Variants in SHISAL2A observed in about 807,000 individuals in gnomAD.
SHISAL2A encodes shisa like 2A, also known as protein shisa-like-2A.
Under a neutral mutation model 11.5 loss-of-function variants are expected in SHISAL2A, and 18 were observed. That is an observed-to-expected ratio of 1.57 (90% confidence interval 1.08 to 2.33). The LOEUF is 2.33. SHISAL2A is among the 30% of genes most tolerant of loss of function. The pLI is 0.00. For missense variants in SHISAL2A, 261 were observed against 250.9 expected (o/e 1.04, Z -0.27); for synonymous variants, 94 against 99.6 (o/e 0.94, Z 0.34).
intron 5 of SHISAL2A, chr1:52,667,655 A>T (rs1692037903): frequency 6.6e-6 from 1 of 152,230 alleles, no homozygotes; most frequent in Non-Finnish European, 1.5e-5. Flanking sequence ...AGACTTACAA[A>T]GCAAGTCAGA....
chr1:52,669,094 G>A (rs143492100), exon 6 of SHISAL2A: 7 of 149,710 alleles, frequency 4.7e-5, no homozygotes, highest in African/African-American at 1.7e-4. Context: ...GTGGCTCAGT[G>A]TAAAATAAAA....
At chr1:52,649,404 G>T (rs1691575165) in intron 2 of SHISAL2A, among the ~76,000 whole-genome samples, 1 of 152,156 alleles carries the variant, frequency 6.6e-6, no homozygotes, top group Non-Finnish European at 1.5e-5. Context: ...GCCTATGATT[G>T]CACTGTCCCT....
At chr1:52,661,857 C>T (rs780195188), downstream of SHISAL2A, among the ~76,000 whole-genome samples, 28 of 152,036 alleles carry the variant, frequency 1.8e-4, no homozygotes, top group Non-Finnish European at 1.3e-4. Context: ...CATGGTGAAA[C>T]CCCGTCTCTA....
intron 2 of SHISAL2A, among the ~76,000 whole-genome samples, chr1:52,644,507 C>T (rs946293473): frequency 2.1e-5 from 3 of 145,056 alleles, no homozygotes; most frequent in African/African-American, 7.7e-5. Context: ...GGTGGATCAC[C>T]TGAGGTCAGG....
chr1:52,662,630 C>T (rs938069293), intron 4 of SHISAL2A, among the ~76,000 whole-genome samples: 2 of 151,320 alleles, frequency 1.3e-5, no homozygotes, highest in East Asian at 1.9e-4. Flanking sequence ...GGATTACAGG[C>T]GTGAGGTACC....
At chr1:52,667,341 T>C in intron 4 of SHISAL2A, 1 of 930,900 alleles carries the variant, frequency 1.1e-6, no homozygotes, top group Non-Finnish European at 1.3e-6. Flanking sequence ...CTGGGAATGT[T>C]TGCTCCGCCA....
At chr1:52,655,452 C>CAAAAA (rs11346128) in intron 2 of SHISAL2A, among the ~76,000 whole-genome samples, 1 of 40,124 alleles carries the variant, frequency 2.5e-5, no homozygotes, top group Non-Finnish European at 4.5e-5. Context: ...CCTGTATCTA[C>CAAAAA]AAAAAAAAAA....
In SHISAL2A at chr1:52,633,504, C is replaced by T. The variant is rs752471761; in HGVS notation, c.11C>T (p.Ala4Val). Reference sequence around the variant, plus strand: ...TGGGCGCGGGGCGCGATGAGCGGCGCCTGCACGAGCTACGTGAGCGCAGAG... The same window carrying T: ...TGGGCGCGGGGCGCGATGAGCGGCGTCTGCACGAGCTACGTGAGCGCAGAG... MSG[A>V]CTSYVSAEQE... Residue 4 changes from alanine (A) to valine (V), a missense_variant, in exon 1 of 3, where the codon GCC becomes GTC. Transcript: ENST00000517870. The surrounding 1 kb of genome is among the most constrained non-coding windows in gnomAD (Gnocchi z 6.4). 1.3e-6 allele frequency: 2 copies of T among 1,529,126 alleles called. No homozygotes were observed. Among genetic ancestry groups the T allele is most frequent in the Non-Finnish European group, 1.7e-6 (2 of 1,144,058 alleles). The allele number at this position is 1,529,126 out of a possible 1,614,324, so 94.7% of individuals were successfully genotyped here. A position where few individuals can be genotyped will look rare whatever the true frequency, so the allele number is the denominator to read the frequency against.
At chr1:52,640,492 G>A (rs187014163) in intron 1 of SHISAL2A, among the ~76,000 whole-genome samples, 4 of 152,228 alleles carry the variant, frequency 2.6e-5, no homozygotes, top group East Asian at 1.9e-4. Context: ...GGCCGGACAC[G>A]GTAGCTCACG....
downstream of SHISAL2A, among the ~76,000 whole-genome samples, chr1:52,661,945 A>G (rs1297132356): frequency 6.6e-6 from 1 of 152,042 alleles, no homozygotes; most frequent in African/African-American, 2.4e-5. Flanking sequence ...AGGCAGGAGA[A>G]TCGCTTGAAC....
chr1:52,638,721 T>C (rs993367119), intron 1 of SHISAL2A, among the ~76,000 whole-genome samples: 1 of 152,232 alleles, frequency 6.6e-6, no homozygotes, highest in South Asian at 2.1e-4. Context: ...GTGTAGAATG[T>C]ACTCCTCAGG....
intron 2 of SHISAL2A, among the ~76,000 whole-genome samples, chr1:52,645,245 G>A (rs1691472602): frequency 1.3e-5 from 2 of 152,174 alleles, no homozygotes; most frequent in South Asian, 4.1e-4. Context: ...TGACTGAGCA[G>A]CAAAAAGCAG....
At chr1:52,639,243 G>A (rs2149874751) in intron 1 of SHISAL2A, among the ~76,000 whole-genome samples, 2 of 152,138 alleles carry the variant, frequency 1.3e-5, no homozygotes, top group South Asian at 4.2e-4. Context: ...AAGATCCAAG[G>A]GGCCCCAGAC....
At chr1:52,645,907 G>A (rs568249362) in intron 2 of SHISAL2A, among the ~76,000 whole-genome samples, 2 of 152,304 alleles carry the variant, frequency 1.3e-5, no homozygotes, top group African/African-American at 4.8e-5. Flanking sequence ...GCATACAGGT[G>A]CAAGAATGAA....
downstream of SHISAL2A, among the ~76,000 whole-genome samples, chr1:52,660,295 C>T (rs1691877623): frequency 6.6e-6 from 1 of 152,110 alleles, no homozygotes; most frequent in Non-Finnish European, 1.5e-5. Flanking sequence ...CCTACACATC[C>T]TAGGCCTCAT....
chr1:52,645,577 T>G (rs1691482770), intron 2 of SHISAL2A, among the ~76,000 whole-genome samples: 3 of 151,856 alleles, frequency 2.0e-5, no homozygotes, highest in Admixed American at 2.0e-4. Context: ...CTGGCTAATT[T>G]TTTGTATTTT....
intron 2 of SHISAL2A, among the ~76,000 whole-genome samples, chr1:52,651,487 T>C (rs1691646881): frequency 6.6e-6 from 1 of 152,164 alleles, no homozygotes; most frequent in African/African-American, 2.4e-5. Context: ...TCCACCCGCC[T>C]CAGCCTCCCA....
intron 4 of SHISAL2A, among the ~76,000 whole-genome samples, chr1:52,664,088 A>G (rs17107364): frequency 0.011 from 1,682 of 152,362 alleles, 21 homozygotes; most frequent in African/African-American, 0.032. Flanking sequence ...AAGTGTTTAT[A>G]TAACTACAGA....
intron 2 of SHISAL2A, among the ~76,000 whole-genome samples, chr1:52,652,965 C>CAAAAAAAAAAAAAAAAAAAAA (rs36154490): frequency 1.3e-4 from 3 of 22,378 alleles, no homozygotes; most frequent in Admixed American, 1.0e-3. Context: ...GACTCTGTCT[C>CAAAAAAAAAAAAAAAAAAAAA]AAAAAAAAAA....
Sources: allele counts gnomAD v4.1 joint callset (sites outside exome capture counted in the v4.1 genomes callset), GRCh38; gene constraint gnomAD v4.1.1; non-coding constraint Gnocchi (gnomAD v3.1); transcripts MANE v1.5; gene names NCBI Gene and HGNC (gene_info 2026-07-23, HGNC 2026-07-21).